Variants in KLHL21 observed in about 807,000 individuals in gnomAD.
KLHL21 encodes kelch like family member 21.
In KLHL21, 42 loss-of-function variants were observed where a neutral mutation model predicts 44.1. The ratio of observed to expected loss-of-function variants is 0.95; its 90% CI spans 0.74 to 1.23. The LOEUF (loss-of-function observed/expected upper bound fraction) is 1.23, where lower values mean the gene tolerates loss of function less well. Ranked by LOEUF, KLHL21 falls within the 50% of genes most tolerant of loss-of-function variation. KLHL21 has a pLI of 0.00. For synonymous variants in KLHL21, 524 were observed against 411.6 expected, an observed-to-expected ratio of 1.27 and a Z score of -3.31; for missense variants, 918 against 889.1, an observed-to-expected ratio of 1.03 and a Z score of -0.41.
rs373921277 is a variant in KLHL21, at chr1:6,593,315, G to A, written c.*50C>T. Reference sequence around the variant, plus strand: ...GCACAAAGGAGTGGGGCACTGCCCCGCAGAGGTGCCAGTTACCTGCACCGA... The same window carrying A: ...GCACAAAGGAGTGGGGCACTGCCCCACAGAGGTGCCAGTTACCTGCACCGA... On this transcript the variant is annotated 3_prime_UTR_variant, in exon 4 of 4. Transcript: ENST00000377658. The A allele has an allele frequency of 1.7e-5, 26 of 1,498,700 alleles. No homozygotes were observed. The Admixed American group carries it at 2.0e-4, about 12-fold the overall frequency. 92.8% of individuals were successfully genotyped at this position (1,498,700 alleles called of 1,614,324 possible). A position where few individuals can be genotyped will look rare whatever the true frequency, so the allele number is the denominator to read the frequency against.
intron 1 of KLHL21, 143 bp downstream of exon 1, chr1:6,601,654 G>C (rs902678153): frequency 2.3e-6 from 3 of 1,317,702 alleles, no homozygotes; most frequent in Non-Finnish European, 3.0e-6. Flanking sequence ...ATCGCCCAGA[G>C]ACATGTAGTC....
At chr1:6,595,112 G>C (rs1640906340) in intron 3 of KLHL21, 3 of 485,906 alleles carry the variant, frequency 6.2e-6, no homozygotes, top group East Asian at 3.5e-5. Flanking sequence ...CGGCCACATG[G>C]GCTGCTGGTG....
rs1381611725 is a variant in KLHL21 at position 6,602,423 on chromosome 1, T to A, written c.395A>T (p.Gln132Leu). The stretch of plus-strand genomic sequence containing the variant: ...GTCCAGGCAGTTGGCCAGGTCGAGC[T>A]GCTGCTGCAGGAAGGCCCCGCACGC... ...KEACGAFLQQ[Q>L]LDLANCLDMQ... is the part of the protein sequence containing the mutation. Residue 132 changes from glutamine (Q) to leucine (L), a missense_variant, in exon 1 of 4, where the codon CAG (glutamine) becomes CTG (leucine). Gln to Leu is a moderately radical substitution (Grantham distance 113, BLOSUM62 -2). Transcript: ENST00000377658. 3 of 1,595,670 alleles carry A rather than the reference T, an allele frequency of 1.9e-6. No homozygotes were observed. The highest frequency in any genetic ancestry group is 2.6e-6 in the Non-Finnish European group (3 of 1,175,460).
chr1:6,599,490 C>G (rs376042445), intron 1 of KLHL21, 38 bp from the exon 2 acceptor site: 5 of 1,564,236 alleles, frequency 3.2e-6, no homozygotes, highest in Non-Finnish European at 4.3e-6. Flanking sequence ...TCAGCCCACT[C>G]AGGTGAGTCA....
rs755883360 is a variant in KLHL21 at position 6,593,621 on chromosome 1, T to A, written c.1538A>T (p.Lys513Met). ...VGGSLAVLGG[K>M]LYVSGGYDNT... Reference sequence around the variant, plus strand: ...GTCGTATCCCCCAGAGACGTACAGCTTCCCCCCAAGGACGGCCAGGCTGCC... The same window carrying A: ...GTCGTATCCCCCAGAGACGTACAGCATCCCCCCAAGGACGGCCAGGCTGCC... The change falls in exon 4 of 4, where the codon AAG becomes ATG. Residue 513 changes from lysine to methionine, a missense_variant. Transcript: ENST00000377658. 6.2e-7 allele frequency: 1 copy of A among 1,601,070 alleles called. No homozygotes were observed. Among genetic ancestry groups the A allele is most frequent in the Admixed American group, 1.7e-5 (1 of 59,054 alleles).
intron 1 of KLHL21, among the ~76,000 whole-genome samples, chr1:6,600,007 G>A (rs1467208199): frequency 6.6e-6 from 1 of 152,152 alleles, no homozygotes. Flanking sequence ...CCACGAAGCT[G>A]TGTAAGTATA....
chr1:6,596,104 A>C (rs1372594942), intron 2 of KLHL21, among the ~76,000 whole-genome samples: 1 of 152,246 alleles, frequency 6.6e-6, no homozygotes, highest in African/African-American at 2.4e-5. Context: ...ACAGCCTTGA[A>C]AAGCAAAGAT....
chr1:6,600,866 C>T (rs1446196245), intron 1 of KLHL21, among the ~76,000 whole-genome samples: 1 of 152,230 alleles, frequency 6.6e-6, no homozygotes, highest in Non-Finnish European at 1.5e-5. Flanking sequence ...CTCAGAGCAG[C>T]AGGCTAAGGA....
At chr1:6,596,107 G>A (rs1197552204) in intron 2 of KLHL21, among the ~76,000 whole-genome samples, 1 of 152,232 alleles carries the variant, frequency 6.6e-6, no homozygotes, top group Non-Finnish European at 1.5e-5. Flanking sequence ...GCCTTGAAAA[G>A]CAAAGATGCA....
Position 6,602,280 on chromosome 1 carries a change from G to A in KLHL21, c.538C>T (p.Arg180Cys), listed in dbSNP as rs1159222708. 2.6e-6 allele frequency: 4 copies of A among 1,555,828 alleles called. No individual in the cohort carries two copies. The highest frequency in any genetic ancestry group is 1.4e-5 in the African/African-American group (1 of 73,372). The change falls in exon 1 of 4, where the codon CGC becomes TGC. Residue 180 changes from arginine to cysteine, a missense_variant. Transcript: ENST00000377658. ...AEQLERLPLARLLRYLRDDGL... is the reference protein window; with the variant it reads ...AEQLERLPLACLLRYLRDDGL... ...TCGTCCCGCAGGTAGCGCAGCAGGC[G>A]CGCCAGTGGCAGCCGCTCCAGCTGC...
Position 6,593,601 on chromosome 1 carries a change from A to AT in KLHL21, c.1557dup (p.Tyr520IlefsTer6). Reference sequence around the variant, plus strand: ...TCCGAGAGTTCAAATGTATTGTCGTATCCCCCAGAGACGTACAGCTTCCCC... The same window carrying AT: ...TCCGAGAGTTCAAATGTATTGTCGTATTCCCCCAGAGACGTACAGCTTCCCC... On this transcript the variant is annotated frameshift_variant, in exon 4 of 4. Transcript: ENST00000377658. LOFTEE classifies it high-confidence loss of function. 6.2e-7 allele frequency: 1 copy of AT among 1,612,434 alleles called. No individual in the cohort carries two copies. The highest frequency in any genetic ancestry group is 8.5e-7 in the Non-Finnish European group (1 of 1,178,888).
At chr1:6,600,693 C>G (rs1327146298) in intron 1 of KLHL21, among the ~76,000 whole-genome samples, 1 of 152,198 alleles carries the variant, frequency 6.6e-6, no homozygotes, top group Non-Finnish European at 1.5e-5. Context: ...GAAGGGTGTG[C>G]AGAAAGCTGG....
In KLHL21 at chr1:6,592,479, A is replaced by C. The variant is rs759916825; in HGVS notation, c.*886T>G. 6 of 152,180 alleles carry C rather than the reference A, an allele frequency of 3.9e-5. No individual in the cohort carries two copies. The highest frequency in any genetic ancestry group is 9.7e-5 in the African/African-American group (4 of 41,424). The allele number at this position is 152,180 out of a possible 1,614,324, so 9.4% of individuals were successfully genotyped here. ...CCCTGTAGAGCTCCTTCTTCTTCCC[A>C]CTTCTTCTAAGGTCAAACTGCAAGC... On this transcript the variant is annotated 3_prime_UTR_variant, in exon 4 of 4. Coordinates refer to ENST00000377658, the MANE Select transcript of KLHL21 (RefSeq NM_014851.4).
chr1:6,602,798 A>C lies in KLHL21; in HGVS notation c.20T>G (p.Leu7Arg). 2 of 1,465,312 alleles carry C rather than the reference A, an allele frequency of 1.4e-6. No individual in the cohort carries two copies. The highest frequency in any genetic ancestry group is 2.9e-5 in the East Asian group (1 of 34,670). 90.8% of individuals were successfully genotyped at this position (1,465,312 alleles called of 1,614,324 possible). Residue 7 changes from leucine to arginine, a missense_variant, in exon 1 of 4, where the codon CTG becomes CGG. Physicochemically the swap from Leu to Arg is moderately radical, Grantham distance 102 (BLOSUM62 -2). Coordinates refer to ENST00000377658, the MANE Select transcript of KLHL21 (RefSeq NM_014851.4). Reference sequence around the variant, plus strand: ...GGGGTCCGAGAAGGGAAGCACGGCCAGGGGCGCCGGTCGCTCCATGGCGCC... The same window carrying C: ...GGGGTCCGAGAAGGGAAGCACGGCCCGGGGCGCCGGTCGCTCCATGGCGCC... MERPAP[L>R]AVLPFSDPAH...
Position 6,602,673 on chromosome 1 carries a change from C to G in KLHL21, c.145G>C (p.Ala49Pro), listed in dbSNP as rs1641052733. ...LEAAGGRDFP[A>P]HRAVLAAASP... ...GCGGCGGCCAGCACCGCACGGTGCG[C>G]CGGGAAGTCGCGCCCGCCCGCCGCC... is the stretch of plus-strand genomic sequence containing the variant. The change falls in exon 1 of 4, where the codon GCG becomes CCG. Residue 49 changes from alanine to proline, a missense_variant. Physicochemically the swap from Ala to Pro is conservative, Grantham distance 27. Transcript: ENST00000377658. 1 of 1,511,898 alleles carries G rather than the reference C, an allele frequency of 6.6e-7. No individual in the cohort carries two copies. Among genetic ancestry groups the G allele is most frequent in the Non-Finnish European group, 8.8e-7 (1 of 1,137,744 alleles). The allele number at this position is 1,511,898 out of a possible 1,614,324, so 93.7% of individuals were successfully genotyped here.
At chr1:6,596,541 G>A (rs911968426) in intron 2 of KLHL21, among the ~76,000 whole-genome samples, 1 of 152,242 alleles carries the variant, frequency 6.6e-6, no homozygotes, top group East Asian at 1.9e-4. Context: ...CACGAGCCTG[G>A]CTGTGTGCCA....
At chr1:6,597,159 A>G (rs1640938926) in intron 2 of KLHL21, among the ~76,000 whole-genome samples, 1 of 152,210 alleles carries the variant, frequency 6.6e-6, no homozygotes, top group Non-Finnish European at 1.5e-5. Context: ...CAGCCTTTCC[A>G]GAGCACTGCC....
At chr1:6,598,800 G>A (rs1248204567) in intron 2 of KLHL21, among the ~76,000 whole-genome samples, 2 of 152,142 alleles carry the variant, frequency 1.3e-5, no homozygotes, top group South Asian at 2.1e-4. Context: ...GGAGAATGGC[G>A]TGAACCCGGA....
intron 1 of KLHL21, chr1:6,599,708 T>G: frequency 1.9e-6 from 1 of 526,480 alleles, no homozygotes; most frequent in South Asian, 2.4e-5. Flanking sequence ...GCTGGAAGAA[T>G]CCAGCAGCCT....
Sources: allele counts gnomAD v4.1 joint callset (sites outside exome capture counted in the v4.1 genomes callset), GRCh38; gene constraint gnomAD v4.1.1; transcripts MANE v1.5; gene names NCBI Gene and HGNC (gene_info 2026-07-23, HGNC 2026-07-21).